The following MROH1 variants were observed in gnomAD, a reference collection of about 807,000 sequenced individuals.
MROH1 encodes the protein maestro heat like repeat family member 1.
Under a neutral mutation model 116.5 loss-of-function variants are expected in MROH1, and 117 were observed. The observed-to-expected ratio is 1.00, with a 90% CI of 0.86 to 1.17. MROH1 has a LOEUF of 1.17. MROH1 is among the 50% of genes most tolerant of loss of function. MROH1 has a pLI of 0.00. For synonymous variants in MROH1, 921 were observed against 583.9 expected, an observed-to-expected ratio of 1.58 and a Z score of -8.32; for missense variants, 1,873 against 1,338.5, an observed-to-expected ratio of 1.40 and a Z score of -6.23.
intron 4 of MROH1, chr8:144,175,258 G>A (rs975175970): frequency 1.5e-5 from 11 of 719,254 alleles, no homozygotes; most frequent in Non-Finnish European, 1.9e-5. Context: ...GGTCGGATGG[G>A]TATAAATGCC....
chr8:144,179,168 T>C (rs1230222484), intron 4 of MROH1, among the ~76,000 whole-genome samples: 1 of 151,902 alleles, frequency 6.6e-6, no homozygotes, highest in Non-Finnish European at 1.5e-5. Flanking sequence ...GTCATGTGAC[T>C]GGGAGACCCT....
chr8:144,201,552 A>G (rs1031197575), intron 12 of MROH1, among the ~76,000 whole-genome samples: 14 of 152,162 alleles, frequency 9.2e-5, no homozygotes, highest in Admixed American at 6.6e-4. Context: ...AAAGCAAACA[A>G]AGGGACCACA....
intron 7 of MROH1, among the ~76,000 whole-genome samples, chr8:144,189,011 A>G (rs1264746585): frequency 1.3e-5 from 2 of 152,250 alleles, no homozygotes; most frequent in Non-Finnish European, 2.9e-5. Context: ...TGATTAGCCC[A>G]CTATCTGCAA....
intron 1 of MROH1, chr8:144,148,844 T>C (rs1236115979): frequency 6.6e-6 from 1 of 152,536 alleles, no homozygotes; most frequent in East Asian, 1.9e-4. Flanking sequence ...GCCTGCTCAG[T>C]TGGGGAAGGG....
At chr8:144,236,254 G>A (rs1341958206) in intron 14 of MROH1, among the ~76,000 whole-genome samples, 1 of 152,118 alleles carries the variant, frequency 6.6e-6, no homozygotes, top group Non-Finnish European at 1.5e-5. Flanking sequence ...TCATGGAATC[G>A]TGCATGTCCC....
intron 10 of MROH1, among the ~76,000 whole-genome samples, chr8:144,198,433 G>C (rs1303464396): frequency 6.6e-6 from 1 of 152,128 alleles, no homozygotes; most frequent in African/African-American, 2.4e-5. Context: ...TTGTTCATTT[G>C]TTTGAGACAG....
intron 12 of MROH1, among the ~76,000 whole-genome samples, chr8:144,212,840 C>T (rs1359462013): frequency 6.6e-6 from 1 of 152,092 alleles, no homozygotes; most frequent in Non-Finnish European, 1.5e-5. Context: ...ATCCACCTGC[C>T]CCGGCCTCCC....
chr8:144,241,564 A>G (rs1276441386), intron 22 of MROH1, 47 bp downstream of exon 22: 7 of 775,816 alleles, frequency 9.0e-6, no homozygotes, highest in East Asian at 7.3e-5. Context: ...TCTATCCACA[A>G]GTTTGAGGCT....
intron 2 of MROH1, among the ~76,000 whole-genome samples, chr8:144,162,745 CAG>C (rs1331915591): frequency 1.3e-5 from 2 of 149,812 alleles, no homozygotes; most frequent in African/African-American, 4.9e-5. Flanking sequence ...TTCTCTGAGA[CAG>C]AGTCTCACTC....
At chr8:144,169,488 T>C (rs1256707012) in intron 4 of MROH1, among the ~76,000 whole-genome samples, 2 of 150,578 alleles carry the variant, frequency 1.3e-5, no homozygotes, top group African/African-American at 4.9e-5. Flanking sequence ...AGTCTCACTC[T>C]GTTGCCCGGG....
chr8:144,180,071 T>G lies in MROH1; in HGVS notation c.301-107T>G. ...CCCGCCACCTTCCCTGACCTGCACT[T>G]TCTGGGGACGCTGAAAACAGCGTGC... On this transcript the variant is annotated intron_variant, in intron 5 of 43. Coordinates refer to ENST00000326134, the MANE Select transcript of MROH1 (RefSeq NM_032450.3). The surrounding 1 kb of genome is among the most constrained non-coding windows in gnomAD (Gnocchi z 7.4). 2 of 1,413,078 alleles carry G rather than the reference T, an allele frequency of 1.4e-6. No individual in the cohort carries two copies. Among genetic ancestry groups the G allele is most frequent in the Non-Finnish European group, 9.8e-7 (1 of 1,020,066 alleles). The allele number at this position is 1,413,078 out of a possible 1,614,324, so 87.5% of individuals were successfully genotyped here. A position where few individuals can be genotyped will look rare whatever the true frequency, so the allele number is the denominator to read the frequency against.
chr8:144,151,247 CAAAAAAAAAAAAAA>C (rs1160118892), intron 1 of MROH1, among the ~76,000 whole-genome samples: 1 of 22,966 alleles, frequency 4.4e-5, no homozygotes, highest in Non-Finnish European at 9.7e-5. Context: ...TATTCTGTCT[CAAAAAAAAAAAAAA>C]AAAAAAAAAA....
chr8:144,171,337 G>A (rs772783613), intron 4 of MROH1, among the ~76,000 whole-genome samples: 1 of 152,234 alleles, frequency 6.6e-6, no homozygotes, highest in Non-Finnish European at 1.5e-5. Flanking sequence ...AGGCTGTGAC[G>A]AAGGGTGCGG....
chr8:144,200,180 G>A (rs1274329441), intron 11 of MROH1, among the ~76,000 whole-genome samples: 1 of 152,166 alleles, frequency 6.6e-6, no homozygotes, highest in Non-Finnish European at 1.5e-5. Flanking sequence ...CGGTGTGCTG[G>A]GTTGGCCAAG....
intron 12 of MROH1, among the ~76,000 whole-genome samples, chr8:144,211,413 G>A (rs1351865184): frequency 6.6e-6 from 1 of 152,178 alleles, no homozygotes; most frequent in Non-Finnish European, 1.5e-5. Flanking sequence ...TGCTTACCCA[G>A]GGGTATGGTT....
At position 144,190,859 on chromosome 8, in the gene MROH1, A is replaced by G. The variant is rs184619612; in HGVS notation, c.638A>G (p.Lys213Arg). The change falls in exon 8 of 44, where the codon AAG becomes AGG. Residue 213 changes from lysine to arginine, a missense_variant. By Grantham distance (26) the Lys-to-Arg change is conservative (BLOSUM62 2). Transcript: ENST00000326134. The part of the protein sequence containing the change: ...LDRAPDPTVR[K>R]DAFATDIFSA... ...CGAGCCCCAGACCCCACGGTCAGGA[A>G]GGACGCCTTTGCCACCGACATCTTC... The G allele has an allele frequency of 1.9e-6, 3 of 1,613,850 alleles. 1 individual carries two copies. The highest frequency in any genetic ancestry group is 2.2e-5 in the East Asian group (1 of 44,870).
In MROH1 at chr8:144,226,402, C is replaced by T. The variant is rs181593421; in HGVS notation, c.1338+3172C>T. 2.1e-4 allele frequency among the ~76,000 whole-genome samples: 32 copies of T among 152,280 alleles called. 2 individuals are homozygous for T. The Middle Eastern group carries it at 0.01, about 49-fold the overall frequency. The stretch of plus-strand genomic sequence containing the variant: ...CTAACGCTCCAGCTCCACTCATCTG[C>T]GGCATCTGTCATCATCTGTCAGCAG... On this transcript the variant is annotated intron_variant, in intron 14 of 43. Transcript: ENST00000326134.
intron 12 of MROH1, among the ~76,000 whole-genome samples, chr8:144,210,560 C>T (rs1054199494): frequency 2.6e-5 from 4 of 152,040 alleles, no homozygotes; most frequent in African/African-American, 7.2e-5. Flanking sequence ...GGTATAGTGG[C>T]GCACACCTGT....
chr8:144,167,456 G>A (rs1384629456), intron 3 of MROH1, among the ~76,000 whole-genome samples: 1 of 139,934 alleles, frequency 7.1e-6, no homozygotes, highest in Non-Finnish European at 1.5e-5. Context: ...GGTTGTTGTG[G>A]TGGAGTGGCC....
Sources: gnomAD v4.1 joint callset for allele counts (sites outside exome capture counted in the v4.1 genomes callset) on GRCh38, gnomAD v4.1.1 for gene constraint, Gnocchi (gnomAD v3.1) non-coding constraint, MANE v1.5 for transcripts, NCBI Gene and HGNC (gene_info 2026-07-23, HGNC 2026-07-21) for gene names.